CSTPP1: variants seen among roughly 807,000 people sequenced by gnomAD.
CSTPP1 encodes the protein centriolar satellite-associated tubulin polyglutamylase complex regulator 1, also known as UPF0705 protein C11orf49.
At chr11:47,161,390 A>G in the CSTPP1 span, 2 of 1,599,584 alleles carry the variant, frequency 1.3e-6, no homozygotes, top group Non-Finnish European at 1.7e-6. Flanking sequence ...CCCTAGTGTT[A>G]AGAGTGGGCA....
chr11:46,943,979 C>A, the CSTPP1 span, among the ~76,000 whole-genome samples: 1 of 152,138 alleles, frequency 6.6e-6, no homozygotes. Context: ...TGTTTTCACA[C>A]CACTGCACTC....
chr11:46,998,989 C>T, the CSTPP1 span, among the ~76,000 whole-genome samples: 1 of 152,112 alleles, frequency 6.6e-6, no homozygotes, highest in Non-Finnish European at 1.5e-5. Flanking sequence ...ATCCGCCTGC[C>T]TCGGCCTTCC....
At chr11:47,129,790 T>C in the CSTPP1 span, among the ~76,000 whole-genome samples, 3 of 152,342 alleles carry the variant, frequency 2.0e-5, no homozygotes, top group Middle Eastern at 3.4e-3. Context: ...CTTTAAATCT[T>C]TACCTGCTGT....
the CSTPP1 span, chr11:46,987,460 A>G: frequency 3.1e-6 from 2 of 653,070 alleles, no homozygotes; most frequent in East Asian, 2.6e-5. Context: ...CCGCCCAAAC[A>G]TGTTTTGGAG....
chr11:47,012,107 TA>T, the CSTPP1 span, among the ~76,000 whole-genome samples: 1,653 of 140,608 alleles, frequency 0.012, 5 homozygotes, highest in Admixed American at 0.012. Context: ...GTACCTCGTT[TA>T]AAAAAAAAAA....
the CSTPP1 span, among the ~76,000 whole-genome samples, chr11:47,046,585 G>C: frequency 6.7e-6 from 1 of 149,732 alleles, no homozygotes; most frequent in Admixed American, 6.6e-5. Flanking sequence ...ATGTAACACT[G>C]TTAACATGTC....
At chr11:47,084,585 A>G in the CSTPP1 span, among the ~76,000 whole-genome samples, 1 of 152,138 alleles carries the variant, frequency 6.6e-6, no homozygotes, top group Non-Finnish European at 1.5e-5. Flanking sequence ...TTGAGGGTCA[A>G]GGTTTTTCCC....
At chr11:47,101,179 T>TTTTTTTTTTTTTTTTTTTTTTG in the CSTPP1 span, among the ~76,000 whole-genome samples, 1 of 94,574 alleles carries the variant, frequency 1.1e-5, no homozygotes. Flanking sequence ...TTTTTTTTTT[T>TTTTTTTTTTTTTTTTTTTTTTG]TTTTTTTTTT....
At chr11:46,951,921 C>T in the CSTPP1 span, among the ~76,000 whole-genome samples, 1 of 152,082 alleles carries the variant, frequency 6.6e-6, no homozygotes, top group African/African-American at 2.4e-5. Context: ...CTTACCATTC[C>T]CTTCTCTCCA....
At chr11:47,124,112 T>G in the CSTPP1 span, among the ~76,000 whole-genome samples, 1 of 127,176 alleles carries the variant, frequency 7.9e-6, no homozygotes, top group East Asian at 2.2e-4. Flanking sequence ...TTAATGGTCT[T>G]ACTTTTTTTT....
chr11:47,080,623 A>G, the CSTPP1 span, among the ~76,000 whole-genome samples: 1 of 152,204 alleles, frequency 6.6e-6, no homozygotes, highest in Non-Finnish European at 1.5e-5. Flanking sequence ...CTTAGCTGGA[A>G]AGCCCAAGGT....
the CSTPP1 span, among the ~76,000 whole-genome samples, chr11:47,091,322 C>T: frequency 6.6e-6 from 1 of 151,236 alleles, no homozygotes; most frequent in African/African-American, 2.4e-5. Context: ...TGCAGTGAGC[C>T]GAGGTCACAC....
chr11:47,017,711 A>G, the CSTPP1 span, among the ~76,000 whole-genome samples: 1 of 147,292 alleles, frequency 6.8e-6, no homozygotes, highest in Non-Finnish European at 1.5e-5. Flanking sequence ...TCTGTTGCCC[A>G]GGCTGGGGTG....
At chr11:47,065,121 C>T in the CSTPP1 span, among the ~76,000 whole-genome samples, 1 of 151,988 alleles carries the variant, frequency 6.6e-6, no homozygotes, top group Non-Finnish European at 1.5e-5. Flanking sequence ...ATTCTTGGTC[C>T]TTTTAAAGAT....
At chr11:47,154,566 ATGAGTGT>A in the CSTPP1 span, 2 of 152,922 alleles carry the variant, frequency 1.3e-5, no homozygotes, top group African/African-American at 4.8e-5. Flanking sequence ...GCAGCACAAG[ATGAGTGT>A]GGGTTTTGAC....
the CSTPP1 span, among the ~76,000 whole-genome samples, chr11:47,042,577 C>G: frequency 4.6e-5 from 7 of 151,796 alleles, no homozygotes; most frequent in African/African-American, 1.7e-4. Context: ...GCTATTATAA[C>G]TTTTTGGTAA....
At chr11:46,970,631 T>C in the CSTPP1 span, among the ~76,000 whole-genome samples, 1 of 152,084 alleles carries the variant, frequency 6.6e-6, no homozygotes, top group Non-Finnish European at 1.5e-5. Flanking sequence ...GGCAGATTGA[T>C]GCATAAATAG....
chr11:47,075,381 TAAATA>T, the CSTPP1 span, among the ~76,000 whole-genome samples: 20 of 150,850 alleles, frequency 1.3e-4, no homozygotes, highest in Admixed American at 2.6e-4. Flanking sequence ...AAAAAATAAA[TAAATA>T]AAATAAAATA....
At chr11:46,986,962 T>A in the CSTPP1 span, among the ~76,000 whole-genome samples, 1 of 152,238 alleles carries the variant, frequency 6.6e-6, no homozygotes, top group African/African-American at 2.4e-5. Context: ...GAAGGGTTGA[T>A]GCTAATACTA....
Sources: gnomAD v4.1 joint callset for allele counts (sites outside exome capture counted in the v4.1 genomes callset) on GRCh38, gnomAD v4.1.1 for gene constraint, MANE v1.5 for transcripts, NCBI Gene and HGNC (gene_info 2026-07-23, HGNC 2026-07-21) for gene names.